RAD54B: variants seen among roughly 807,000 people sequenced by gnomAD.
The protein encoded by RAD54B is RAD54 homolog B.
A neutral mutation model predicts 95.8 loss-of-function variants in RAD54B; 78 were observed. That is an observed-to-expected ratio of 0.81 (90% CI 0.68 to 0.98). The LOEUF (loss-of-function observed/expected upper bound fraction) is 0.98, where lower values mean the gene tolerates loss of function less well. Ranked by LOEUF, RAD54B falls within the 50% of genes least tolerant of loss-of-function variation. The pLI is 0.00. For synonymous variants in RAD54B, 328 were observed against 354.9 expected (o/e 0.92, Z 0.85); for missense variants, 957 against 1,056.6 (o/e 0.91, Z 1.31).
intron 3 of RAD54B, among the ~76,000 whole-genome samples, chr8:94,423,445 A>G (rs1225490138): frequency 1.3e-5 from 2 of 152,188 alleles, no homozygotes; most frequent in Non-Finnish European, 2.9e-5. Context: ...ATTTTGTAGC[A>G]AAGATTCAGT....
At chr8:94,439,432 T>G (rs1812343104) in intron 3 of RAD54B, among the ~76,000 whole-genome samples, 1 of 152,164 alleles carries the variant, frequency 6.6e-6, no homozygotes, top group Non-Finnish European at 1.5e-5. Context: ...CAGATCATAG[T>G]GTGTTTGAAT....
chr8:94,414,129 C>A (rs1811596559), intron 3 of RAD54B, among the ~76,000 whole-genome samples: 1 of 152,122 alleles, frequency 6.6e-6, no homozygotes, highest in African/African-American at 2.4e-5. Context: ...AGCCACTGCA[C>A]CCAGCCTAAG....
chr8:94,420,711 G>A (rs1037214969), intron 3 of RAD54B, among the ~76,000 whole-genome samples: 3 of 151,946 alleles, frequency 2.0e-5, no homozygotes, highest in African/African-American at 4.8e-5. Context: ...TTGGCCGTGC[G>A]CGGTGGCTCA....
At chr8:94,439,459 GAA>G (rs1460144329) in intron 3 of RAD54B, among the ~76,000 whole-genome samples, 2 of 152,120 alleles carry the variant, frequency 1.3e-5, no homozygotes, top group Non-Finnish European at 2.9e-5. Flanking sequence ...CGCTGTTAAC[GAA>G]AAGAGTCAAA....
chr8:94,457,750 T>C lies in RAD54B; in HGVS notation c.304+518A>G, dbSNP rs74456646. Among the ~76,000 whole-genome samples the C allele has an allele frequency of 5.6e-3, 846 of 152,320 alleles. 35 individuals are homozygous for C. In the East Asian group the frequency reaches 0.098, roughly 18 times the overall value. ...ATTATTTTTTTAGTTACCTAACAAA[T>C]AGTGTTCTCTTACATATACAAAAAG... On this transcript the variant is annotated intron_variant, in intron 3 of 14. Coordinates refer to ENST00000336148, the MANE Select transcript of RAD54B (RefSeq NM_012415.3).
chr8:94,407,280 A>AAC (rs1811413737), intron 5 of RAD54B, among the ~76,000 whole-genome samples, 159 bp downstream of exon 5: 1 of 152,166 alleles, frequency 6.6e-6, no homozygotes, highest in Admixed American at 6.6e-5. Flanking sequence ...CTATATTGTT[A>AAC]TTTGACTTCA....
At chr8:94,398,315 CTCCTATACAAATTGGAAG>C (rs1325095306) in intron 8 of RAD54B, among the ~76,000 whole-genome samples, 1 of 151,984 alleles carries the variant, frequency 6.6e-6, no homozygotes, top group African/African-American at 2.4e-5. Flanking sequence ...TAATACAATC[CTCCTATACAAATTGGAAG>C]TCAAATCATG....
chr8:94,466,735 G>GA (rs1408357701), intron 2 of RAD54B, among the ~76,000 whole-genome samples: 12 of 151,858 alleles, frequency 7.9e-5, no homozygotes, highest in East Asian at 1.9e-4. Context: ...ATAAAAGTGA[G>GA]AAAAAATGTT....
At chr8:94,383,818 C>T (rs949370250) in intron 11 of RAD54B, among the ~76,000 whole-genome samples, 2 of 152,102 alleles carry the variant, frequency 1.3e-5, no homozygotes, top group Non-Finnish European at 2.9e-5. Flanking sequence ...ATCAAAACTA[C>T]AATGATATCC....
chr8:94,450,731 T>C (rs1812635948), intron 3 of RAD54B, among the ~76,000 whole-genome samples: 1 of 151,844 alleles, frequency 6.6e-6, no homozygotes, highest in Non-Finnish European at 1.5e-5. Context: ...AATACAAAAA[T>C]TAGCTGAGTG....
At chr8:94,431,920 A>T in intron 3 of RAD54B, 1 of 1,232,654 alleles carries the variant, frequency 8.1e-7, no homozygotes, top group Non-Finnish European at 1.0e-6. Context: ...GGGAAAAAAA[A>T]AAGAAGACAA....
At chr8:94,470,591 G>A (rs1195145460) in intron 1 of RAD54B, among the ~76,000 whole-genome samples, 9 of 118,654 alleles carry the variant, frequency 7.6e-5, no homozygotes, top group Admixed American at 1.8e-4. Context: ...GCGAAACTTC[G>A]TCTAAAAAAA....
At chr8:94,406,751 A>C (rs1811397886) in intron 5 of RAD54B, among the ~76,000 whole-genome samples, 1 of 152,158 alleles carries the variant, frequency 6.6e-6, no homozygotes, top group Non-Finnish European at 1.5e-5. Flanking sequence ...CTCAACTTTC[A>C]CATCTACTAC....
At position 94,407,456 on chromosome 8, in the gene RAD54B, T is replaced by C; in HGVS notation, c.764A>G (p.His255Arg). The C allele has an allele frequency of 2.5e-6, 4 of 1,613,420 alleles. No homozygotes were observed. Among genetic ancestry groups the C allele is most frequent in the Non-Finnish European group, 3.4e-6 (4 of 1,179,396 alleles). The change falls in exon 5 of 15, where the codon CAT becomes CGT. Residue 255 changes from histidine (H) to arginine (R), a missense_variant. His to Arg is a conservative substitution (Grantham distance 29). Coordinates refer to ENST00000336148, the MANE Select transcript of RAD54B (RefSeq NM_012415.3). ...AATCTTACTTGGCGTATATGGGTCA[T>C]GGCGTGGTTTGCAATTTTGGAAATC... ...QNDFQNCKPR[H>R]DPYTPNSLVM...
chr8:94,473,909 A>T (rs949843712), intron 1 of RAD54B, among the ~76,000 whole-genome samples: 1 of 152,214 alleles, frequency 6.6e-6, no homozygotes, highest in African/African-American at 2.4e-5. Context: ...TTCGACTTTT[A>T]AGAAAGCCAT....
chr8:94,462,281 G>A (rs1323201932), intron 2 of RAD54B, among the ~76,000 whole-genome samples: 3 of 152,064 alleles, frequency 2.0e-5, no homozygotes, highest in Admixed American at 2.0e-4. Context: ...ATTTTTTTAA[G>A]TATGTTGTGA....
At chr8:94,436,984 C>T (rs1426572698) in intron 3 of RAD54B, 2 of 1,415,266 alleles carry the variant, frequency 1.4e-6, no homozygotes, top group Non-Finnish European at 1.8e-6. Context: ...CTCATTTAGG[C>T]CCACGCCTAC....
intron 3 of RAD54B, chr8:94,429,761 A>G (rs1812039834): frequency 1.0e-6 from 1 of 984,942 alleles, no homozygotes; most frequent in Non-Finnish European, 1.2e-6. Context: ...TTTATAATTA[A>G]AGAAGTTAAC....
At position 94,372,023 on chromosome 8, in the gene RAD54B, C is replaced by T. The variant is rs937010553; in HGVS notation, c.*147G>A. On this transcript the variant is annotated 3_prime_UTR_variant, in exon 15 of 15. Coordinates refer to ENST00000336148, the MANE Select transcript of RAD54B (RefSeq NM_012415.3). ...ACTTAATATTTACAAAACATTAAAC[C>T]ACTCAATTTTGACTATTGTATCAAA... 11 of 1,311,510 alleles carry T rather than the reference C, an allele frequency of 8.4e-6. No individual in the cohort carries two copies. The highest frequency in any genetic ancestry group is 1.1e-5 in the Non-Finnish European group (11 of 1,005,952). The allele number at this position is 1,311,510 out of a possible 1,614,324, so 81.2% of individuals were successfully genotyped here.
Sources: allele counts gnomAD v4.1 joint callset (sites outside exome capture counted in the v4.1 genomes callset), GRCh38; gene constraint gnomAD v4.1.1; transcripts MANE v1.5; gene names NCBI Gene and HGNC (gene_info 2026-07-23, HGNC 2026-07-21).